The following LDLRAD4 variants were observed in gnomAD, a reference collection of about 807,000 sequenced individuals.
The protein encoded by LDLRAD4 is low density lipoprotein receptor class A domain containing 4.
In LDLRAD4, 5 loss-of-function variants were observed where a neutral mutation model predicts 17.0. The ratio of observed to expected loss-of-function variants is 0.29; its 90% CI spans 0.15 to 0.62. The LOEUF (loss-of-function observed/expected upper bound fraction) is 0.62, where lower values mean the gene tolerates loss of function less well. Among genes scored for constraint, LDLRAD4 ranks in the 20% least tolerant of loss-of-function variants. The pLI is 0.84. For synonymous variants in LDLRAD4, 168 were observed against 171.8 expected, an observed-to-expected ratio of 0.98 and a Z score of 0.17; for missense variants, 340 against 424.7, an observed-to-expected ratio of 0.80 and a Z score of 1.75.
At chr18:13,630,132 C>T (rs544968726) in intron 4 of LDLRAD4, among the ~76,000 whole-genome samples, 1 of 152,316 alleles carries the variant, frequency 6.6e-6, no homozygotes, top group Admixed American at 6.5e-5. Context: ...CCCGCTAGCC[C>T]ATTGCATTGT....
chr18:13,573,603 A>C (rs1265818877), intron 3 of LDLRAD4, among the ~76,000 whole-genome samples: 2 of 152,246 alleles, frequency 1.3e-5, no homozygotes. Flanking sequence ...ATTTGTTTAG[A>C]AATCTAGGAG....
At chr18:13,467,887 G>A (rs1395150571) in intron 3 of LDLRAD4, among the ~76,000 whole-genome samples, 1 of 152,214 alleles carries the variant, frequency 6.6e-6, no homozygotes, top group Non-Finnish European at 1.5e-5. Flanking sequence ...CATTTAATGG[G>A]AAAGAATAGT....
At chr18:13,616,376 T>C (rs2040081168) in intron 3 of LDLRAD4, among the ~76,000 whole-genome samples, 1 of 152,178 alleles carries the variant, frequency 6.6e-6, no homozygotes, top group Admixed American at 6.5e-5. Flanking sequence ...ACCTGTTGAC[T>C]GCAGTTTTCA....
At chr18:13,363,307 G>C (rs2083815040) in intron 1 of LDLRAD4, among the ~76,000 whole-genome samples, 1 of 130,884 alleles carries the variant, frequency 7.6e-6, no homozygotes, top group South Asian at 2.4e-4. Context: ...ACTCCAACCT[G>C]GGCGACAGAG....
chr18:13,382,622 T>TGTGTGC (rs2085458957), intron 1 of LDLRAD4: 1 of 145,786 alleles, frequency 6.9e-6, no homozygotes, highest in African/African-American at 2.4e-5. Context: ...TGTGCGTGTG[T>TGTGTGC]GTGTGCGTGT....
intron 3 of LDLRAD4, among the ~76,000 whole-genome samples, chr18:13,555,874 C>T (rs1284417): frequency 0.44 from 44,453 of 100,880 alleles, 7,108 homozygotes; most frequent in South Asian, 0.55. Context: ...TCTAAGAAGG[C>T]GGGAAAGCAG....
At chr18:13,278,901 A>G (rs2045066573) in intron 1 of LDLRAD4, among the ~76,000 whole-genome samples, 1 of 152,218 alleles carries the variant, frequency 6.6e-6, no homozygotes, top group African/African-American at 2.4e-5. Flanking sequence ...TTGGAGCATA[A>G]CCCAGCCTTT....
intron 1 of LDLRAD4, among the ~76,000 whole-genome samples, chr18:13,386,473 T>A (rs1599841798): frequency 6.6e-6 from 1 of 152,196 alleles, no homozygotes; most frequent in Admixed American, 6.5e-5. Context: ...GTTCAAGTGA[T>A]TCTCCTGCCT....
intron 1 of LDLRAD4, among the ~76,000 whole-genome samples, chr18:13,261,705 A>G (rs991846636): frequency 1.3e-5 from 2 of 152,162 alleles, no homozygotes; most frequent in Non-Finnish European, 2.9e-5. Context: ...TTCAGGGAGG[A>G]GCTTCAGGAT....
chr18:13,604,453 T>C (rs1279470001), intron 3 of LDLRAD4, among the ~76,000 whole-genome samples: 1 of 152,160 alleles, frequency 6.6e-6, no homozygotes, highest in Non-Finnish European at 1.5e-5. Context: ...ATGCGTGACA[T>C]TTGCCTGGAT....
chr18:13,307,349 A>T (rs1218185139), intron 1 of LDLRAD4, among the ~76,000 whole-genome samples: 2 of 152,154 alleles, frequency 1.3e-5, no homozygotes, highest in Non-Finnish European at 2.9e-5. Context: ...GAAGAACTTT[A>T]TGATGGTTCA....
intron 3 of LDLRAD4, among the ~76,000 whole-genome samples, chr18:13,456,318 C>T (rs949145251): frequency 3.3e-5 from 5 of 152,202 alleles, no homozygotes; most frequent in African/African-American, 7.2e-5. Context: ...CACATCTACA[C>T]GGGGGTGCCC....
intron 3 of LDLRAD4, among the ~76,000 whole-genome samples, chr18:13,518,125 C>G (rs767146026): frequency 3.3e-5 from 5 of 152,182 alleles, no homozygotes; most frequent in African/African-American, 7.2e-5. Context: ...CTGGAAAACT[C>G]GCAGATTTTC....
chr18:13,607,807 G>A (rs1473900441), intron 3 of LDLRAD4, among the ~76,000 whole-genome samples: 1 of 152,170 alleles, frequency 6.6e-6, no homozygotes, highest in African/African-American at 2.4e-5. Context: ...AGTATTCCAT[G>A]GTGTATATGT....
chr18:13,321,818 G>A (rs12961452), intron 1 of LDLRAD4, among the ~76,000 whole-genome samples: 41,805 of 134,376 alleles, frequency 0.31, 6,127 homozygotes, highest in South Asian at 0.42. Flanking sequence ...CCGAGATCGC[G>A]CCATTGCACT....
At chr18:13,612,547 C>T (rs1035736437) in intron 3 of LDLRAD4, 3 of 387,198 alleles carry the variant, frequency 7.7e-6, no homozygotes, top group African/African-American at 4.3e-5. Flanking sequence ...AGAAACACAC[C>T]CCCCCCCCCT....
chr18:13,343,226 TC>T (rs1252149062), intron 1 of LDLRAD4, among the ~76,000 whole-genome samples: 63 of 87,656 alleles, frequency 7.2e-4, no homozygotes, highest in African/African-American at 2.7e-3. Context: ...ATGCTATCCC[TC>T]CCCCCTCCCC....
At chr18:13,425,670 G>A (rs1405990933) in intron 2 of LDLRAD4, among the ~76,000 whole-genome samples, 5 of 152,224 alleles carry the variant, frequency 3.3e-5, no homozygotes, top group African/African-American at 7.2e-5. Flanking sequence ...CAGCAGGAGC[G>A]TTCAGGCTGG....
At chr18:13,411,824 C>T (rs2088393710) in intron 2 of LDLRAD4, among the ~76,000 whole-genome samples, 2 of 152,096 alleles carry the variant, frequency 1.3e-5, no homozygotes, top group South Asian at 4.2e-4. Flanking sequence ...TGAGACCCAA[C>T]CCAGTAGTCT....
Sources: gnomAD v4.1 joint callset for allele counts (sites outside exome capture counted in the v4.1 genomes callset) on GRCh38, gnomAD v4.1.1 for gene constraint, MANE v1.5 for transcripts, NCBI Gene and HGNC (gene_info 2026-07-23, HGNC 2026-07-21) for gene names.